The following PAPSS1 variants were observed in gnomAD, a reference collection of about 807,000 sequenced individuals.
The protein encoded by PAPSS1 is bifunctional 3'-phosphoadenosine 5'-phosphosulfate synthase 1.
A neutral mutation model predicts 72.0 loss-of-function variants in PAPSS1; 50 were observed. The observed-to-expected ratio is 0.69, with a 90% confidence interval of 0.55 to 0.88. The LOEUF (loss-of-function observed/expected upper bound fraction) is 0.88. Ranked by LOEUF, PAPSS1 falls within the 40% of genes least tolerant of loss-of-function variation. The probability of loss-of-function intolerance (pLI) is 0.00; values close to 1 mark genes in which losing one functional copy is unlikely to be tolerated. For synonymous variants in PAPSS1, 261 were observed against 263.6 expected, an observed-to-expected ratio of 0.99 and a Z score of 0.09; for missense variants, 657 against 782.2, an observed-to-expected ratio of 0.84 and a Z score of 1.91.
chr4:107,707,459 G>A (rs1202263752), intron 1 of PAPSS1, among the ~76,000 whole-genome samples: 7 of 152,180 alleles, frequency 4.6e-5, no homozygotes, highest in Non-Finnish European at 7.3e-5. Context: ...GGTAGGCTTG[G>A]ACGCTCAATC....
intron 7 of PAPSS1, among the ~76,000 whole-genome samples, chr4:107,656,291 T>C (rs1403199265): frequency 6.6e-6 from 1 of 152,124 alleles, no homozygotes; most frequent in Non-Finnish European, 1.5e-5. Context: ...AAGTTTTGTA[T>C]TCTTAGTAGA....
chr4:107,662,476 G>T (rs1167903231), intron 5 of PAPSS1, among the ~76,000 whole-genome samples: 1 of 152,114 alleles, frequency 6.6e-6, no homozygotes, highest in Non-Finnish European at 1.5e-5. Flanking sequence ...CACTAATGGG[G>T]CAGATTATTT....
intron 11 of PAPSS1, among the ~76,000 whole-genome samples, chr4:107,624,568 G>T (rs908025547): frequency 6.6e-6 from 1 of 151,946 alleles, no homozygotes; most frequent in Non-Finnish European, 1.5e-5. Context: ...AGAATATATT[G>T]ACCTCAATAC....
intron 10 of PAPSS1, among the ~76,000 whole-genome samples, chr4:107,637,718 T>C (rs940841934): frequency 1.3e-5 from 2 of 152,216 alleles, no homozygotes; most frequent in African/African-American, 4.8e-5. Context: ...CTCAAAGTGT[T>C]TATAAAAGAA....
chr4:107,644,178 C>T (rs541424145), intron 10 of PAPSS1, among the ~76,000 whole-genome samples: 11 of 152,252 alleles, frequency 7.2e-5, no homozygotes, highest in Non-Finnish European at 1.2e-4. Context: ...CATATTGACA[C>T]GGTTCAGGAC....
At chr4:107,616,689 T>C (rs1354806316) in intron 11 of PAPSS1, among the ~76,000 whole-genome samples, 1 of 152,216 alleles carries the variant, frequency 6.6e-6, no homozygotes, top group Non-Finnish European at 1.5e-5. Context: ...ACTTTGTTTT[T>C]TGAAAGATAT....
intron 11 of PAPSS1, among the ~76,000 whole-genome samples, chr4:107,622,828 A>G (rs1247129851): frequency 6.6e-6 from 1 of 152,210 alleles, no homozygotes; most frequent in East Asian, 1.9e-4. Context: ...ACACTTTTAT[A>G]CCTACAGTTC....
At chr4:107,653,775 G>T in intron 8 of PAPSS1, 149 bp from the exon 9 acceptor site, 1 of 532,202 alleles carries the variant, frequency 1.9e-6, no homozygotes, top group Non-Finnish European at 3.1e-6. Context: ...CATTAGAGAT[G>T]CTATAAAATT....
intron 5 of PAPSS1, among the ~76,000 whole-genome samples, chr4:107,680,468 T>C (rs1197393440): frequency 6.6e-6 from 1 of 152,208 alleles, no homozygotes; most frequent in Non-Finnish European, 1.5e-5. Context: ...CCAGTAAAAG[T>C]ATTTTCTAAA....
At chr4:107,677,358 A>G (rs1390066523) in intron 5 of PAPSS1, among the ~76,000 whole-genome samples, 1 of 152,244 alleles carries the variant, frequency 6.6e-6, no homozygotes, top group African/African-American at 2.4e-5. Context: ...AAACAACCCC[A>G]TCAAAAAGTG....
At chr4:107,619,400 G>T (rs1417256513) in intron 11 of PAPSS1, among the ~76,000 whole-genome samples, 2 of 152,142 alleles carry the variant, frequency 1.3e-5, no homozygotes, top group Admixed American at 1.3e-4. Flanking sequence ...CCTGGCTACG[G>T]AAAACACATT....
rs377180498 is a variant in PAPSS1 at position 107,662,662 on chromosome 4, G to T, written c.670-2590C>A. ...AGATATAGCTTATCTTCCAACTCCA[G>T]AATTATTTTAATATATGTATTTTAA... is the stretch of plus-strand genomic sequence containing the variant. On this transcript the variant is annotated intron_variant, in intron 5 of 11. Coordinates refer to ENST00000265174, the MANE Select transcript of PAPSS1 (RefSeq NM_005443.5). 3.5e-4 allele frequency among the ~76,000 whole-genome samples: 53 copies of T among 150,984 alleles called. No homozygotes were observed. In the South Asian group the frequency reaches 8.3e-3, roughly 24 times the overall value.
chr4:107,653,382 C>T (rs1726907873), intron 9 of PAPSS1, 109 bp downstream of exon 9: 1 of 861,528 alleles, frequency 1.2e-6, no homozygotes, highest in Non-Finnish European at 1.7e-6. Flanking sequence ...TATTCCACTG[C>T]TATATTTACC....
intron 5 of PAPSS1, among the ~76,000 whole-genome samples, chr4:107,660,282 G>A (rs1336056701): frequency 1.3e-5 from 2 of 151,948 alleles, no homozygotes; most frequent in South Asian, 2.1e-4. Context: ...ATTATCTAGT[G>A]GGAAAGAATA....
intron 5 of PAPSS1, among the ~76,000 whole-genome samples, chr4:107,681,290 T>A (rs1427395718): frequency 6.6e-6 from 1 of 151,986 alleles, no homozygotes; most frequent in Non-Finnish European, 1.5e-5. Flanking sequence ...CATGACAAGG[T>A]GACAGGGTAA....
intron 2 of PAPSS1, among the ~76,000 whole-genome samples, chr4:107,695,554 T>C (rs181511847): frequency 2.1e-3 from 319 of 152,292 alleles, no homozygotes; most frequent in African/African-American, 7.4e-3. Flanking sequence ...AGAGACAGCA[T>C]CCTTGTCTTG....
At chr4:107,659,696 A>T (rs567441512) in intron 6 of PAPSS1, among the ~76,000 whole-genome samples, 13 of 152,294 alleles carry the variant, frequency 8.5e-5, no homozygotes, top group Admixed American at 2.6e-4. Flanking sequence ...AAGCCTAAGG[A>T]TCTCATGTAA....
At chr4:107,681,349 T>C (rs1391416239) in intron 5 of PAPSS1, among the ~76,000 whole-genome samples, 2 of 152,248 alleles carry the variant, frequency 1.3e-5, no homozygotes, top group East Asian at 3.9e-4. Context: ...CCTCTTCAAC[T>C]ACAGTGAACT....
chr4:107,677,704 A>G (rs7377079), intron 5 of PAPSS1, among the ~76,000 whole-genome samples: 35,295 of 152,026 alleles, frequency 0.23, 4,156 homozygotes, highest in East Asian at 0.37. Flanking sequence ...CCAAAGGACT[A>G]TAAATCATGC....
Sources: gnomAD v4.1 joint callset for allele counts (sites outside exome capture counted in the v4.1 genomes callset) on GRCh38, gnomAD v4.1.1 for gene constraint, MANE v1.5 for transcripts, NCBI Gene and HGNC (gene_info 2026-07-23, HGNC 2026-07-21) for gene names.